The following LRRC66 variants were observed in gnomAD, a reference collection of about 807,000 sequenced individuals.
LRRC66 encodes the protein leucine-rich repeat-containing protein 66.
A neutral mutation model predicts 24.6 loss-of-function variants in LRRC66; 29 were observed. That is an observed-to-expected ratio of 1.18 (90% CI 0.88 to 1.61). The LOEUF is 1.61. Ranked by LOEUF, LRRC66 falls within the 40% of genes most tolerant of loss-of-function variation. The pLI is 0.00. For missense variants in LRRC66, 1,124 were observed against 1,058.0 expected (o/e 1.06, Z -0.87); for synonymous variants, 411 against 397.6 (o/e 1.03, Z -0.40).
chr4:52,019,189 G>C (rs1736888600), intron 1 of LRRC66, among the ~76,000 whole-genome samples: 1 of 152,078 alleles, frequency 6.6e-6, no homozygotes, highest in African/African-American at 2.4e-5. Flanking sequence ...ACAGTCTTGT[G>C]TATCCTTCCA....
rs1736379384 is a variant in LRRC66, at chr4:51,998,700, CAG to C, written c.667-765_667-764del. ...AAGAAGTATCCAGTGGCTCTAGAAA[CAG>C]AGAGCAGGATCTGTAAGTGTCGGAC... is the stretch of plus-strand genomic sequence containing the variant. On this transcript the variant is annotated intron_variant, in intron 3 of 4. Transcript: ENST00000682860. Among the ~76,000 whole-genome samples, 4 of 152,304 alleles carry C rather than the reference CAG, an allele frequency of 2.6e-5. No homozygotes were observed. In the South Asian group the frequency reaches 6.2e-4, roughly 24 times the overall value.
In LRRC66 at chr4:52,018,584, T is replaced by C. The variant is rs988317427; in HGVS notation, c.-5-966A>G. The C allele has an allele frequency of 2.6e-5, 26 of 985,314 alleles. No individual in the cohort carries two copies. The African/African-American group carries it at 4.0e-4, about 15-fold the overall frequency. 61.0% of individuals were successfully genotyped at this position (985,314 alleles called of 1,614,324 possible). ...GACTTTCTTGCCTCTGCCTCTTGAC[T>C]TTCCTTCTTTGTGATCCATCCTAGG... On this transcript the variant is annotated intron_variant, in intron 1 of 4. Transcript: ENST00000682860.
intron 2 of LRRC66, among the ~76,000 whole-genome samples, chr4:52,008,774 G>A (rs1736639658): frequency 6.6e-6 from 1 of 152,070 alleles, no homozygotes; most frequent in Non-Finnish European, 1.5e-5. Flanking sequence ...AAATGTTCAA[G>A]GAAGTCCTTT....
At chr4:52,004,151 T>C (rs1044470831) in intron 2 of LRRC66, among the ~76,000 whole-genome samples, 7 of 152,098 alleles carry the variant, frequency 4.6e-5, no homozygotes, top group African/African-American at 1.4e-4. Flanking sequence ...TACAGGCGCC[T>C]GCCACCATGC....
chr4:52,014,946 T>C (rs894276537), intron 2 of LRRC66, among the ~76,000 whole-genome samples: 2 of 152,220 alleles, frequency 1.3e-5, no homozygotes, highest in African/African-American at 4.8e-5. Context: ...TTTTTCTTGA[T>C]CTTTTGGGAG....
At chr4:52,007,133 G>A (rs751728841) in intron 2 of LRRC66, among the ~76,000 whole-genome samples, 10 of 152,134 alleles carry the variant, frequency 6.6e-5, no homozygotes, top group Non-Finnish European at 1.5e-4. Flanking sequence ...TAGAGTCAGC[G>A]CTGGAGTTGA....
At position 51,994,871 on chromosome 4, in the gene LRRC66, A is replaced by G. The variant is rs775567701; in HGVS notation, c.2151T>C (p.Ser717=). The change falls in exon 5 of 5, where the codon AGT becomes AGC. Residue 717 remains serine (S), a synonymous_variant. Coordinates refer to ENST00000682860, the MANE Select transcript of LRRC66 (RefSeq NM_001024611.3). ...EGSLFTLSSI[S]SESARSKTEE... ...CAGTCTTGCTCCTTGCACTCTCTGAACTTATGGAGCTCAGAGTGAACAGAG... is the reference window on the plus strand; with the variant it reads ...CAGTCTTGCTCCTTGCACTCTCTGAGCTTATGGAGCTCAGAGTGAACAGAG... 9 of 1,614,150 alleles carry G rather than the reference A, an allele frequency of 5.6e-6. No homozygotes were observed. Among genetic ancestry groups the G allele is most frequent in the Non-Finnish European group, 5.9e-6 (7 of 1,180,032 alleles).
chr4:52,002,770 A>G (rs548083794), intron 3 of LRRC66, among the ~76,000 whole-genome samples: 16 of 152,340 alleles, frequency 1.1e-4, no homozygotes, highest in African/African-American at 3.1e-4. Flanking sequence ...TGGGTTTCAG[A>G]GGCCCATCTA....
intron 4 of LRRC66, 117 bp from the exon 5 acceptor site, chr4:51,996,282 G>A (rs185068360): frequency 1.0e-6 from 1 of 996,118 alleles, no homozygotes; most frequent in Non-Finnish European, 1.4e-6. Flanking sequence ...TGAATTCCAG[G>A]CACACCCAGC....
chr4:52,018,140 GAAGA>G (rs1278978937), intron 1 of LRRC66: 1 of 985,202 alleles, frequency 1.0e-6, no homozygotes, highest in Non-Finnish European at 1.2e-6. Context: ...TTCATGACTA[GAAGA>G]AATACAAGTT....
chr4:52,003,660 C>T (rs997897237), intron 2 of LRRC66, among the ~76,000 whole-genome samples: 2 of 152,058 alleles, frequency 1.3e-5, no homozygotes, highest in Non-Finnish European at 2.9e-5. Flanking sequence ...CATATGCAAA[C>T]ATATACATAG....
chr4:52,006,295 C>T (rs1217735752), intron 2 of LRRC66, among the ~76,000 whole-genome samples: 1 of 152,040 alleles, frequency 6.6e-6, no homozygotes, highest in East Asian at 1.9e-4. Flanking sequence ...AGACTTGGAA[C>T]CAACCCAAAT....
At chr4:52,016,120 G>A (rs1022903476) in intron 2 of LRRC66, among the ~76,000 whole-genome samples, 5 of 152,130 alleles carry the variant, frequency 3.3e-5, no homozygotes, top group Non-Finnish European at 5.9e-5. Flanking sequence ...GAAGGTCAGG[G>A]AGATAAGACG....
At chr4:52,005,292 G>A (rs945131437) in intron 2 of LRRC66, among the ~76,000 whole-genome samples, 3 of 152,104 alleles carry the variant, frequency 2.0e-5, no homozygotes, top group Admixed American at 1.3e-4. Context: ...CAATGGGGGC[G>A]TGAGCTTATA....
At chr4:52,003,167 A>T in intron 3 of LRRC66, 56 bp downstream of exon 3, 1 of 1,351,580 alleles carries the variant, frequency 7.4e-7, no homozygotes, top group Non-Finnish European at 1.0e-6. Flanking sequence ...ATATGCTTCT[A>T]ATGTAATTGC....
At chr4:52,003,057 C>T (rs1246097242) in intron 3 of LRRC66, among the ~76,000 whole-genome samples, 166 bp downstream of exon 3, 2 of 152,036 alleles carry the variant, frequency 1.3e-5, no homozygotes, top group Admixed American at 1.3e-4. Flanking sequence ...ATTTTTGAGG[C>T]AAGAAAGAGA....
chr4:51,996,731 C>T (rs1361190080), intron 4 of LRRC66, among the ~76,000 whole-genome samples: 1 of 152,184 alleles, frequency 6.6e-6, no homozygotes, highest in African/African-American at 2.4e-5. Flanking sequence ...GGCTATCAGG[C>T]TGAGGTCTGT....
chr4:52,009,355 T>C (rs1736650200), intron 2 of LRRC66, among the ~76,000 whole-genome samples: 1 of 151,788 alleles, frequency 6.6e-6, no homozygotes, highest in Non-Finnish European at 1.5e-5. Flanking sequence ...CAAGAATGAA[T>C]GAAATTGTAA....
chr4:51,995,003 C>G lies in LRRC66; in HGVS notation c.2019G>C (p.Trp673Cys). The G allele has an allele frequency of 1.2e-6, 2 of 1,614,100 alleles. No homozygotes were observed. Among genetic ancestry groups the G allele is most frequent in the Middle Eastern group, 3.3e-4 (2 of 6,062 alleles). Residue 673 changes from tryptophan to cysteine, a missense_variant, in exon 5 of 5, where the codon TGG (tryptophan) becomes TGC (cysteine). By Grantham distance (215) the Trp-to-Cys change is radical. Coordinates refer to ENST00000682860, the MANE Select transcript of LRRC66 (RefSeq NM_001024611.3). Reference protein sequence around the residue: ...DTGPSVFPPRWDSGLDVTPAN... With the variant: ...DTGPSVFPPRCDSGLDVTPAN... ...CAGGAGTGACATCCAGGCCACTGTC[C>G]CATCTTGGAGGAAAGACTGATGGGC...
Sources: allele counts gnomAD v4.1 joint callset (sites outside exome capture counted in the v4.1 genomes callset), GRCh38; gene constraint gnomAD v4.1.1; transcripts MANE v1.5; gene names NCBI Gene and HGNC (gene_info 2026-07-23, HGNC 2026-07-21).